The following PLCH2 variants were observed in gnomAD, a reference collection of about 807,000 sequenced individuals.
PLCH2 encodes 1-phosphatidylinositol 4,5-bisphosphate phosphodiesterase eta-2.
PLCH2 carries 98 observed loss-of-function variants against 134.7 expected under a neutral mutation model. The observed-to-expected ratio is 0.73, with a 90% CI of 0.62 to 0.86. The LOEUF (loss-of-function observed/expected upper bound fraction) is 0.86, where lower values mean the gene tolerates loss of function less well. Ranked by LOEUF, PLCH2 falls within the 40% of genes least tolerant of loss-of-function variation. The pLI is 0.00. For missense variants in PLCH2, 1,994 were observed against 1,986.6 expected (o/e 1.00, Z -0.07); for synonymous variants, 974 against 827.5 (o/e 1.18, Z -3.04).
intron 2 of PLCH2, among the ~76,000 whole-genome samples, chr1:2,433,650 G>C (rs558282733): frequency 5.9e-5 from 9 of 152,344 alleles, no homozygotes; most frequent in African/African-American, 2.2e-4. Flanking sequence ...CTCTTATGTT[G>C]GCGGCTCTTG....
upstream of PLCH2, among the ~76,000 whole-genome samples, chr1:2,475,788 C>T (rs780242164): frequency 1.3e-5 from 2 of 152,232 alleles, no homozygotes; most frequent in East Asian, 3.9e-4. Context: ...CTCAGGGACC[C>T]ACATCCTGGG....
intron 2 of PLCH2, among the ~76,000 whole-genome samples, chr1:2,435,647 G>A (rs892101998): frequency 6.6e-6 from 1 of 152,088 alleles, no homozygotes; most frequent in African/African-American, 2.4e-5. Flanking sequence ...GGCTCTCAGA[G>A]CCCACAGCAC....
chr1:2,467,498 C>T (rs1391006802), exon 1 of PLCH2: 9 of 396,300 alleles, frequency 2.3e-5, no homozygotes, highest in East Asian at 7.1e-5. Context: ...GGGCTGCGAT[C>T]GGCATGGGCT....
upstream of PLCH2, among the ~76,000 whole-genome samples, chr1:2,464,758 C>G (rs535078601): frequency 6.6e-6 from 1 of 152,196 alleles, no homozygotes; most frequent in Non-Finnish European, 1.5e-5. Flanking sequence ...CTCTGTCCAG[C>G]CTGCAGGGCA....
intron 1 of PLCH2, among the ~76,000 whole-genome samples, chr1:2,429,134 G>T (rs1220336668): frequency 6.6e-6 from 1 of 152,160 alleles, no homozygotes; most frequent in Non-Finnish European, 1.5e-5. Context: ...TGGGGATTGG[G>T]TGCGAGGAGG....
chr1:2,477,248 C>T (rs1235930689), intron 1 of PLCH2, among the ~76,000 whole-genome samples: 1 of 152,136 alleles, frequency 6.6e-6, no homozygotes, highest in Non-Finnish European at 1.5e-5. Context: ...TGCCCTGTTG[C>T]AGGCCTCTGC....
At chr1:2,497,937 C>T (rs1255791447) in intron 16 of PLCH2, 3 of 327,718 alleles carry the variant, frequency 9.2e-6, no homozygotes, top group Non-Finnish European at 1.7e-5. Context: ...TGTGCCTGGC[C>T]CCTCTGTGGG....
chr1:2,444,435 C>G lies in PLCH2; in HGVS notation c.115+13806C>G, dbSNP rs1639846008. ...TGGGGGGAGCCGGCCTCTCCCCACA[C>G]TAGCAGGTGGGGTGCAGCGGGCACT... On this transcript the variant is annotated intron_variant, in intron 2 of 3. Transcript: ENST00000609981. This position sits in a 1 kb window ranked among gnomAD's most constrained non-coding sequence, Gnocchi z 4.6. 6.6e-6 allele frequency among the ~76,000 whole-genome samples: 1 copy of G among 152,176 alleles called. No individual in the cohort carries two copies. The highest frequency in any genetic ancestry group is 2.4e-5 in the African/African-American group (1 of 41,448).
Position 2,450,683 on chromosome 1 carries a change from T to TCCCCGCCTGCCCCCCCG in PLCH2, c.115+20055_115+20056insCCCGCCTGCCCCCCCGC. ...CCCCCCTGCTCCCCGCCTACCCCCC[T>TCCCCGCCTGCCCCCCCG]CTCCCCGCCTGCCCCCCCGCTCCCC... On this transcript the variant is annotated intron_variant, in intron 2 of 3. Coordinates refer to the PLCH2 transcript ENST00000609981. Among the ~76,000 whole-genome samples, 3 of 8,474 alleles carry TCCCCGCCTGCCCCCCCG rather than the reference T, an allele frequency of 3.5e-4. 1 individual carries two copies. Among genetic ancestry groups the TCCCCGCCTGCCCCCCCG allele is most frequent in the Admixed American group, 2.8e-3 (2 of 702 alleles). The allele number at this position is 8,474 out of a possible 152,430, so 5.6% of individuals were successfully genotyped here. A position where few individuals can be genotyped will look rare whatever the true frequency, so the allele number is the denominator to read the frequency against.
Position 2,496,996 on chromosome 1 carries a change from C to T in PLCH2, c.2102C>T (p.Ala701Val). 6.2e-7 allele frequency: 1 copy of T among 1,612,992 alleles called. No homozygotes were observed. Among genetic ancestry groups the T allele is most frequent in the Non-Finnish European group, 8.5e-7 (1 of 1,179,726 alleles). Residue 701 changes from alanine (A) to valine (V), a missense_variant, in exon 15 of 22, where the codon GCC becomes GTC. Transcript: ENST00000378486. ...TACAACCCGCAGCCCTTCTGGAACG[C>T]CGGCTGCCAAATGGGTGGGTGCGGG... ...SNYNPQPFWN[A>V]GCQMVALNYQ...
Position 2,503,913 on chromosome 1 carries a change from T to G in PLCH2, c.2960-9T>G. ...TCTGGCTCTCTCTCACTCCCCCACC[T>G]CCCCACAGACACCCGCCCCCTCTCC... On this transcript the variant is annotated splice_polypyrimidine_tract_variant and intron_variant, in intron 21 of 21. Coordinates refer to ENST00000378486, the MANE Select transcript of PLCH2 (RefSeq NM_014638.4). The G allele has an allele frequency of 4.3e-5, 14 of 328,058 alleles. No individual in the cohort carries two copies. Among genetic ancestry groups the G allele is most frequent in the East Asian group, 7.0e-5 (1 of 14,186 alleles). 20.3% of individuals were successfully genotyped at this position (328,058 alleles called of 1,614,324 possible). A position where few individuals can be genotyped will look rare whatever the true frequency, so the allele number is the denominator to read the frequency against.
In PLCH2 at chr1:2,498,573, C is replaced by A. The variant is rs1351445225; in HGVS notation, c.2275C>A (p.Gln759Lys). The A allele has an allele frequency of 5.6e-6, 9 of 1,605,354 alleles. No individual in the cohort carries two copies. Among genetic ancestry groups the A allele is most frequent in the Non-Finnish European group, 6.8e-6 (8 of 1,177,810 alleles). ...CCCCCTGCCCGGGCAGCTCAAGAAG[C>A]AGCTGGTGCTCCGGATCATCAGTGG... ...EDPLPGQLKK[Q>K]LVLRIISGQQ... Residue 759 changes from glutamine (Q) to lysine (K), a missense_variant, in exon 17 of 22, where the codon CAG (glutamine) becomes AAG (lysine). Physicochemically the swap from Gln to Lys is moderately conservative, Grantham distance 53 (BLOSUM62 1). Around this residue, in one of 2 missense-constraint regions of PLCH2, gnomAD observed 1,094 missense variants for 1,234.3 expected, o/e 0.89. Transcript: ENST00000378486. This position sits in a 1 kb window ranked among gnomAD's most constrained non-coding sequence, Gnocchi z 5.4.
chr1:2,502,900 G>A, intron 21 of PLCH2: 1 of 717,214 alleles, frequency 1.4e-6, no homozygotes. Context: ...AATCCCCCAT[G>A]TTCTCCGCCG....
At chr1:2,421,386 C>T (rs1638508800), upstream of PLCH2, among the ~76,000 whole-genome samples, 1 of 152,204 alleles carries the variant, frequency 6.6e-6, no homozygotes, top group African/African-American at 2.4e-5. Context: ...GGTTGTTGGA[C>T]ACAACCATTA....
intron 9 of PLCH2, 93 bp downstream of exon 9, chr1:2,489,471 TC>T: frequency 7.3e-7 from 1 of 1,363,514 alleles, no homozygotes; most frequent in Non-Finnish European, 1.0e-6. Context: ...CATCATGCCA[TC>T]CATGGGCATA....
intron 14 of PLCH2, 50 bp downstream of exon 14, chr1:2,496,754 C>A (rs550092430): frequency 1.2e-6 from 2 of 1,610,294 alleles, no homozygotes; most frequent in Admixed American, 1.7e-5. Flanking sequence ...CCCTGTCCCC[C>A]ATCCCTGCTA....
At chr1:2,483,215 G>A (rs1311313790) in intron 4 of PLCH2, among the ~76,000 whole-genome samples, 1 of 152,230 alleles carries the variant, frequency 6.6e-6, no homozygotes, top group Non-Finnish European at 1.5e-5. Context: ...GCGGACACCT[G>A]CTGGCTGGGT....
chr1:2,486,842 A>G lies in PLCH2; in HGVS notation c.817-65A>G, dbSNP rs1018908775. On this transcript the variant is annotated intron_variant, in intron 5 of 21. Coordinates refer to ENST00000378486, the MANE Select transcript of PLCH2 (RefSeq NM_014638.4). ...AGGCAGGGGACAGTGGTGATGGGGGAGCTGCCTGAGGCTATCCCAGGCCAG... is the reference window on the plus strand; with the variant it reads ...AGGCAGGGGACAGTGGTGATGGGGGGGCTGCCTGAGGCTATCCCAGGCCAG... 5.1e-5 allele frequency: 63 copies of G among 1,232,878 alleles called. No homozygotes were observed. In the Admixed American group the frequency reaches 1.2e-3, roughly 24 times the overall value. The allele number at this position is 1,232,878 out of a possible 1,614,324, so 76.4% of individuals were successfully genotyped here. A position where few individuals can be genotyped will look rare whatever the true frequency, so the allele number is the denominator to read the frequency against.
chr1:2,502,218 A>G lies in PLCH2; in HGVS notation c.2768A>G (p.Gln923Arg). ...GRPPARPSVS[Q>R]RILRRTASAP... ...CCCCCGGCCCGGCCCTCCGTTAGCC[A>G]GCGGATCCTGCGGCGCACGGCCAGC... Residue 923 changes from glutamine to arginine, a missense_variant, in exon 21 of 22, where the codon CAG becomes CGG. Transcript: ENST00000378486. The G allele has an allele frequency of 6.5e-7, 1 of 1,540,548 alleles. No individual in the cohort carries two copies. The highest frequency in any genetic ancestry group is 8.7e-7 in the Non-Finnish European group (1 of 1,144,922).
Sources: gnomAD v4.1 joint callset for allele counts (sites outside exome capture counted in the v4.1 genomes callset) on GRCh38, gnomAD v4.1.1 for gene constraint, gnomAD v4.1.1 regional missense constraint, Gnocchi (gnomAD v3.1) non-coding constraint, MANE v1.5 for transcripts, NCBI Gene and HGNC (gene_info 2026-07-23, HGNC 2026-07-21) for gene names.